GMDS: variants seen among roughly 807,000 people sequenced by gnomAD.
GMDS encodes GDP-mannose 4,6-dehydratase.
Under a neutral mutation model 49.9 loss-of-function variants are expected in GMDS, and 20 were observed. The observed-to-expected ratio is 0.40, with a 90% CI of 0.28 to 0.58. The LOEUF (loss-of-function observed/expected upper bound fraction) is 0.58, where lower values mean the gene tolerates loss of function less well. Among genes scored for constraint, GMDS ranks in the 20% least tolerant of loss-of-function variants. The probability of loss-of-function intolerance (pLI) is 0.42; values close to 1 mark genes in which losing one functional copy is unlikely to be tolerated. For missense variants in GMDS, 362 were observed against 481.4 expected (o/e 0.75, Z 2.32); for synonymous variants, 177 against 178.6 (o/e 0.99, Z 0.07).
Position 1,930,284 on chromosome 6 carries a change from A to C in GMDS, c.644-54T>G, listed in dbSNP as rs1012569059. ...GTCAAGTGCACTTGACACATTTAACAGTTTGGTGAACCAAACCCGATTTCG... is the reference window on the plus strand; with the variant it reads ...GTCAAGTGCACTTGACACATTTAACCGTTTGGTGAACCAAACCCGATTTCG... On this transcript the variant is annotated intron_variant, in intron 6 of 10. Transcript: ENST00000380815. 3.9e-6 allele frequency: 6 copies of C among 1,533,428 alleles called. No individual in the cohort carries two copies. In the African/African-American group the frequency reaches 8.2e-5, roughly 21 times the overall value. 95.0% of individuals were successfully genotyped at this position (1,533,428 alleles called of 1,614,324 possible).
intron 7 of GMDS, among the ~76,000 whole-genome samples, chr6:1,817,539 T>C (rs1306294414): frequency 6.6e-6 from 1 of 152,210 alleles, no homozygotes; most frequent in Non-Finnish European, 1.5e-5. Context: ...TTTACTACTA[T>C]AACATGCTTA....
At chr6:2,060,328 C>T (rs1029708108) in intron 4 of GMDS, among the ~76,000 whole-genome samples, 2 of 152,024 alleles carry the variant, frequency 1.3e-5, no homozygotes, top group Non-Finnish European at 2.9e-5. Context: ...TTTCTTTTTT[C>T]CTTAAATACA....
chr6:2,047,884 G>A (rs1478510316), intron 4 of GMDS, among the ~76,000 whole-genome samples: 1 of 152,116 alleles, frequency 6.6e-6, no homozygotes, highest in Non-Finnish European at 1.5e-5. Flanking sequence ...AATTCCACAA[G>A]GAAATTACAT....
At chr6:2,149,182 T>C (rs1776720975) in intron 1 of GMDS, among the ~76,000 whole-genome samples, 1 of 152,144 alleles carries the variant, frequency 6.6e-6, no homozygotes, top group Non-Finnish European at 1.5e-5. Context: ...CTTGGAATGC[T>C]TAGCTCACAG....
chr6:1,803,067 A>G (rs1770012966), intron 7 of GMDS, among the ~76,000 whole-genome samples: 1 of 152,240 alleles, frequency 6.6e-6, no homozygotes, highest in African/African-American at 2.4e-5. Context: ...TGCATGTTCA[A>G]TTAAGATCTA....
At chr6:1,690,529 G>C (rs1765134631) in intron 9 of GMDS, among the ~76,000 whole-genome samples, 1 of 152,154 alleles carries the variant, frequency 6.6e-6, no homozygotes. Context: ...GACGGTTGTA[G>C]ACGTGCAGTC....
At chr6:2,204,549 C>A (rs1779699973) in intron 1 of GMDS, among the ~76,000 whole-genome samples, 1 of 152,208 alleles carries the variant, frequency 6.6e-6, no homozygotes, top group South Asian at 2.1e-4. Context: ...CTACTAACCA[C>A]AAGTGGCTAC....
intron 7 of GMDS, among the ~76,000 whole-genome samples, chr6:1,818,991 T>C (rs995290412): frequency 3.9e-5 from 6 of 152,022 alleles, no homozygotes; most frequent in Admixed American, 6.6e-5. Context: ...CATGACTAGA[T>C]AGAAGCTGGT....
intron 1 of GMDS, 78 bp downstream of exon 1, chr6:2,245,243 G>T: frequency 9.9e-7 from 1 of 1,006,738 alleles, no homozygotes; most frequent in Non-Finnish European, 1.5e-6. Flanking sequence ...AGAGACCGCA[G>T]CCCACGAGTA....
intron 7 of GMDS, among the ~76,000 whole-genome samples, chr6:1,762,865 C>T (rs1422889571): frequency 2.0e-5 from 3 of 152,084 alleles, no homozygotes; most frequent in Non-Finnish European, 4.4e-5. Flanking sequence ...TTCTTTGCTT[C>T]GAGACATTAG....
At chr6:2,008,430 T>C (rs1767336293) in intron 4 of GMDS, among the ~76,000 whole-genome samples, 1 of 152,220 alleles carries the variant, frequency 6.6e-6, no homozygotes, top group Non-Finnish European at 1.5e-5. Flanking sequence ...ATGGCTGTTA[T>C]GGCATACATG....
At chr6:1,659,852 T>C (rs1021169584) in intron 9 of GMDS, among the ~76,000 whole-genome samples, 3 of 144,732 alleles carry the variant, frequency 2.1e-5, no homozygotes. Context: ...AATTGTTACA[T>C]AATATCCATT....
At chr6:1,919,829 C>T (rs944102121) in intron 7 of GMDS, among the ~76,000 whole-genome samples, 26 of 152,268 alleles carry the variant, frequency 1.7e-4, no homozygotes, top group Middle Eastern at 3.4e-3. Flanking sequence ...GTATCCATTC[C>T]GTGTTGCCAG....
At chr6:2,145,347 C>T (rs942910571) in intron 1 of GMDS, among the ~76,000 whole-genome samples, 2 of 151,898 alleles carry the variant, frequency 1.3e-5, no homozygotes, top group African/African-American at 2.4e-5. Context: ...CCATCCTGGC[C>T]AACAGGGTGA....
chr6:1,720,828 T>C (rs1355257641), intron 9 of GMDS, among the ~76,000 whole-genome samples: 1 of 151,948 alleles, frequency 6.6e-6, no homozygotes, highest in Non-Finnish European at 1.5e-5. Context: ...GCGGGAGGGA[T>C]GGACTGGCTT....
chr6:2,098,338 G>GT (rs1773729109), intron 4 of GMDS, among the ~76,000 whole-genome samples: 1 of 152,172 alleles, frequency 6.6e-6, no homozygotes, highest in Non-Finnish European at 1.5e-5. Context: ...GATTACAGGC[G>GT]TAAGCCACCG....
At chr6:2,006,415 AAGATCCTGTCTCC>A (rs1232530849) in intron 4 of GMDS, among the ~76,000 whole-genome samples, 10 of 152,070 alleles carry the variant, frequency 6.6e-5, no homozygotes, top group African/African-American at 2.4e-4. Context: ...ACCACACAGC[AAGATCCTGTCTCC>A]AGAAAAGGAA....
At chr6:2,128,617 T>C (rs2127515159) in intron 1 of GMDS, among the ~76,000 whole-genome samples, 1 of 152,256 alleles carries the variant, frequency 6.6e-6, no homozygotes, top group African/African-American at 2.4e-5. Flanking sequence ...TGTTTTGAAG[T>C]AGAAAATAAT....
At chr6:1,881,789 T>C (rs1041158887) in intron 7 of GMDS, among the ~76,000 whole-genome samples, 3 of 152,200 alleles carry the variant, frequency 2.0e-5, no homozygotes, top group Non-Finnish European at 2.9e-5. Flanking sequence ...TCTACTTTCC[T>C]GCAAGATGCA....
Sources: gnomAD v4.1 joint callset for allele counts (sites outside exome capture counted in the v4.1 genomes callset) on GRCh38, gnomAD v4.1.1 for gene constraint, MANE v1.5 for transcripts, NCBI Gene and HGNC (gene_info 2026-07-23, HGNC 2026-07-21) for gene names.